ADGB: variants seen among roughly 807,000 people sequenced by gnomAD.
ADGB encodes the protein androglobin.
In ADGB, 172 loss-of-function variants were observed where a neutral mutation model predicts 210.5. That is an observed-to-expected ratio of 0.82 (90% confidence interval 0.72 to 0.93). The LOEUF is 0.93. ADGB is among the 40% of genes least tolerant of loss of function. ADGB has a pLI of 0.00. For missense variants in ADGB, 2,025 were observed against 1,964.8 expected, an observed-to-expected ratio of 1.03 and a Z score of -0.58; for synonymous variants, 658 against 662.7, an observed-to-expected ratio of 0.99 and a Z score of 0.11.
intron 25 of ADGB, among the ~76,000 whole-genome samples, chr6:146,741,694 CCATCACCACCT>C (rs1339340469): frequency 6.6e-6 from 1 of 152,158 alleles, no homozygotes; most frequent in East Asian, 1.9e-4. Flanking sequence ...TAGCCACCAA[CCATCACCACCT>C]CATTTTGAGA....
chr6:146,775,833 T>A (rs1271548202), intron 29 of ADGB, among the ~76,000 whole-genome samples: 1 of 151,754 alleles, frequency 6.6e-6, no homozygotes, highest in Admixed American at 6.6e-5. Flanking sequence ...TTTATATATA[T>A]AAAAAGACTT....
chr6:146,696,707 T>G (rs975361541), intron 12 of ADGB, among the ~76,000 whole-genome samples: 1 of 152,202 alleles, frequency 6.6e-6, no homozygotes, highest in African/African-American at 2.4e-5. Context: ...TCAAAGCTGC[T>G]CAAATTATGT....
rs568176595 is a variant in ADGB, at chr6:146,734,916, A to G, written c.2794+886A>G. On this transcript the variant is annotated intron_variant, in intron 22 of 35. Coordinates refer to ENST00000397944, the MANE Select transcript of ADGB (RefSeq NM_024694.4). ...GGGCGACAGGGTGAGATCTTGTCTC[A>G]AAAAAACAAAAAACAAAAAATATAT... Among the ~76,000 whole-genome samples the G allele has an allele frequency of 2.6e-4, 39 of 152,230 alleles. No homozygotes were observed. The East Asian group carries it at 6.2e-3, about 24-fold the overall frequency.
At chr6:146,651,464 T>C (rs1775701510) in intron 3 of ADGB, among the ~76,000 whole-genome samples, 1 of 152,206 alleles carries the variant, frequency 6.6e-6, no homozygotes, top group South Asian at 2.1e-4. Context: ...GCCAGGCTTA[T>C]GCCCTTAAAA....
intron 7 of ADGB, among the ~76,000 whole-genome samples, chr6:146,670,568 G>A (rs1204668286): frequency 6.6e-6 from 1 of 152,124 alleles, no homozygotes; most frequent in African/African-American, 2.4e-5. Flanking sequence ...GCCTAGTTGA[G>A]CATCCAATCT....
chr6:146,682,588 G>A (rs1776172421), intron 9 of ADGB, among the ~76,000 whole-genome samples: 1 of 151,968 alleles, frequency 6.6e-6, no homozygotes. Flanking sequence ...GGAAAGATAA[G>A]GAAATTTCAT....
At chr6:146,599,211 C>T (rs1780515636) in intron 1 of ADGB, 97 bp downstream of exon 1, 2 of 1,182,076 alleles carry the variant, frequency 1.7e-6, no homozygotes, top group Admixed American at 4.0e-5. Context: ...TGTGCCAGGG[C>T]AGAAGTTTAG....
At chr6:146,750,199 T>C (rs1356959745) in intron 26 of ADGB, among the ~76,000 whole-genome samples, 6 of 152,112 alleles carry the variant, frequency 3.9e-5, no homozygotes, top group Non-Finnish European at 5.9e-5. Flanking sequence ...ATTTTAAAGA[T>C]AGGAGAGAAC....
intron 32 of ADGB, 42 bp from the exon 33 acceptor site, chr6:146,788,347 T>G: frequency 1.3e-6 from 2 of 1,522,110 alleles, no homozygotes; most frequent in Non-Finnish European, 8.9e-7. Flanking sequence ...TGTGATTTCA[T>G]GGAACGCCAG....
Position 146,701,075 on chromosome 6 carries a change from C to G in ADGB, c.1707+5C>G, listed in dbSNP as rs747609947. On this transcript the variant is annotated splice_donor_5th_base_variant and intron_variant, in intron 13 of 35. Transcript: ENST00000397944. ...ATAACAAAAGCTACATCTCAGGTGACTATGTTACTCTTACTGTTGGCCCAA... is the reference window on the plus strand; with the variant it reads ...ATAACAAAAGCTACATCTCAGGTGAGTATGTTACTCTTACTGTTGGCCCAA... 2 of 1,549,514 alleles carry G rather than the reference C, an allele frequency of 1.3e-6. No individual in the cohort carries two copies.
intron 1 of ADGB, among the ~76,000 whole-genome samples, chr6:146,625,580 G>T (rs1660492409): frequency 6.6e-6 from 1 of 151,998 alleles, no homozygotes; most frequent in Non-Finnish European, 1.5e-5. Flanking sequence ...GTGTTAATAA[G>T]TGAGTTCTTG....
At chr6:146,709,388 G>A (rs1295696874) in intron 13 of ADGB, among the ~76,000 whole-genome samples, 1 of 152,214 alleles carries the variant, frequency 6.6e-6, no homozygotes, top group East Asian at 1.9e-4. Context: ...TCACCAGTCA[G>A]ATCATCTAGA....
intron 26 of ADGB, among the ~76,000 whole-genome samples, chr6:146,752,047 G>A (rs1777330702): frequency 6.6e-6 from 1 of 152,044 alleles, no homozygotes; most frequent in African/African-American, 2.4e-5. Flanking sequence ...TACTGTCTTA[G>A]TCTGTTCTTG....
chr6:146,635,321 T>A lies in ADGB; in HGVS notation c.75-54T>A. The A allele has an allele frequency of 2.3e-6, 3 of 1,327,394 alleles. No homozygotes were observed. The South Asian group carries it at 6.4e-5, about 28-fold the overall frequency. 82.2% of individuals were successfully genotyped at this position (1,327,394 alleles called of 1,614,324 possible). ...TATGTTATGCAGTTAATCCAATATT[T>A]GATCTCAGAGATTTTAATTAAACCT... On this transcript the variant is annotated intron_variant, in intron 1 of 35. Transcript: ENST00000397944.
At chr6:146,667,736 T>A (rs377425423) in intron 7 of ADGB, among the ~76,000 whole-genome samples, 3 of 152,188 alleles carry the variant, frequency 2.0e-5, no homozygotes, top group African/African-American at 7.2e-5. Context: ...CAACTTTTAA[T>A]TGGCCACATC....
chr6:146,612,377 C>T (rs1473711659), intron 1 of ADGB, among the ~76,000 whole-genome samples: 1 of 152,140 alleles, frequency 6.6e-6, no homozygotes, highest in Non-Finnish European at 1.5e-5. Context: ...TGGGAGTCAT[C>T]CTTTTCTCTC....
rs974226805 is a variant in ADGB, at chr6:146,746,177, A to G, written c.3365+68A>G. 76 of 1,153,144 alleles carry G rather than the reference A, an allele frequency of 6.6e-5. No homozygotes were observed. The African/African-American group carries it at 1.1e-3, about 17-fold the overall frequency. The allele number at this position is 1,153,144 out of a possible 1,614,324, so 71.4% of individuals were successfully genotyped here. A position where few individuals can be genotyped will look rare whatever the true frequency, so the allele number is the denominator to read the frequency against. On this transcript the variant is annotated intron_variant, in intron 26 of 35. Transcript: ENST00000397944. ...TATTAATATTTTAGGATAAAAATAA[A>G]TTCTGCAGTAAAATCCTGAGTCGGT...
intron 17 of ADGB, among the ~76,000 whole-genome samples, chr6:146,723,980 A>T (rs1170372484): frequency 6.6e-6 from 1 of 152,150 alleles, no homozygotes; most frequent in Non-Finnish European, 1.5e-5. Flanking sequence ...TGTTACAAGG[A>T]AGAATATTGA....
intron 7 of ADGB, among the ~76,000 whole-genome samples, chr6:146,671,276 C>A (rs1009919002): frequency 1.3e-5 from 2 of 152,052 alleles, no homozygotes; most frequent in Non-Finnish European, 2.9e-5. Context: ...AGTGGAACAG[C>A]GAGACTGGCT....
Sources: allele counts gnomAD v4.1 joint callset (sites outside exome capture counted in the v4.1 genomes callset), GRCh38; gene constraint gnomAD v4.1.1; transcripts MANE v1.5; gene names NCBI Gene and HGNC (gene_info 2026-07-23, HGNC 2026-07-21).